Variants in CCNB3 observed in about 807,000 individuals in gnomAD.
The protein encoded by CCNB3 is cyclin B3.
CCNB3 carries 12 observed loss-of-function variants against 68.0 expected under a neutral mutation model. The observed-to-expected ratio is 0.18, with a 90% CI of 0.11 to 0.29. The LOEUF (loss-of-function observed/expected upper bound fraction) is 0.29. CCNB3 is among the 10% of genes least tolerant of loss of function. CCNB3 has a pLI of 1.00. For synonymous variants in CCNB3, 354 were observed against 388.9 expected (o/e 0.91, Z 1.06); for missense variants, 904 against 993.1 (o/e 0.91, Z 1.21).
chrX:50,303,309 C>A (rs1316113279), intron 5 of CCNB3, among the ~76,000 whole-genome samples: 1 of 110,863 alleles, frequency 9.0e-6, no homozygotes, highest in African/African-American at 3.3e-5. Flanking sequence ...CCACCTCCGG[C>A]TAATTTTTAT....
intron 1 of CCNB3, among the ~76,000 whole-genome samples, chrX:50,226,817 TAA>T (rs1935839403): frequency 1.3e-5 from 1 of 77,215 alleles, no homozygotes; most frequent in Non-Finnish European, 2.3e-5. Context: ...AGAGTATATA[TAA>T]ATATATACAT....
intron 9 of CCNB3, among the ~76,000 whole-genome samples, chrX:50,344,947 T>C (rs1169585662): frequency 1.8e-5 from 2 of 110,863 alleles, no homozygotes; most frequent in African/African-American, 6.6e-5. Flanking sequence ...TGGCAACTTT[T>C]ACCAAGGATT....
At chrX:50,329,717 G>T (rs1922495476) in intron 8 of CCNB3, among the ~76,000 whole-genome samples, 1 of 112,518 alleles carries the variant, frequency 8.9e-6, no homozygotes, top group Admixed American at 9.4e-5. Flanking sequence ...TCTCTAGCCA[G>T]TGGTTGTTCC....
intron 8 of CCNB3, among the ~76,000 whole-genome samples, chrX:50,332,371 A>T (rs1315731940): frequency 1.8e-5 from 2 of 111,700 alleles, no homozygotes; most frequent in Non-Finnish European, 3.8e-5. Flanking sequence ...AGGCATTCAT[A>T]GTAACTATAG....
intron 1 of CCNB3, among the ~76,000 whole-genome samples, chrX:50,208,394 T>C (rs192304011): frequency 8.9e-6 from 1 of 112,350 alleles, no homozygotes; most frequent in East Asian, 2.8e-4. Context: ...TGGATTGTGT[T>C]GATTCTGTAG....
rs189714834 is a variant in CCNB3, at chrX:50,206,303, G to A, written c.-113+1353G>A. ...TTACTTGGTAACAGCTGGGCGCTGC[G>A]GCTCACTCCTGTAATACCAGCACCT... On this transcript the variant is annotated intron_variant, in intron 1 of 12. Transcript: ENST00000376042. Among the ~76,000 whole-genome samples the A allele has an allele frequency of 1.2e-3, 130 of 110,366 alleles. 1 individual carries two copies. The highest frequency in any genetic ancestry group is 4.1e-3 in the African/African-American group (125 of 30,342).
intron 1 of CCNB3, among the ~76,000 whole-genome samples, chrX:50,279,741 TATATTCATATATGTAAATATATATGAA>T (rs1936068319): frequency 1.1e-5 from 1 of 90,396 alleles, no homozygotes; most frequent in African/African-American, 4.0e-5. Flanking sequence ...TATGATTATG[TATATTCATATATGTAAATATATATGAA>T]TATGTATATT....
At chrX:50,280,123 T>C (rs1407295863) in intron 1 of CCNB3, among the ~76,000 whole-genome samples, 3 of 91,724 alleles carry the variant, frequency 3.3e-5, no homozygotes, top group African/African-American at 4.1e-5. Context: ...TATAAATATA[T>C]ATAGAATATA....
intron 8 of CCNB3, among the ~76,000 whole-genome samples, chrX:50,321,629 A>G (rs782101332): frequency 9.0e-4 from 100 of 111,448 alleles, no homozygotes; most frequent in African/African-American, 3.1e-3. Context: ...CATCAGTAGT[A>G]TACTGTTTTT....
At chrX:50,224,133 A>G (rs1476375080) in intron 1 of CCNB3, among the ~76,000 whole-genome samples, 9 of 111,363 alleles carry the variant, frequency 8.1e-5, no homozygotes, top group Admixed American at 7.7e-4. Flanking sequence ...CTAACAATTT[A>G]TCATCTTGTT....
At chrX:50,281,086 G>A (rs1936128303) in intron 1 of CCNB3, among the ~76,000 whole-genome samples, 1 of 110,695 alleles carries the variant, frequency 9.0e-6, no homozygotes, top group Admixed American at 9.7e-5. Flanking sequence ...AAAGAGACCC[G>A]ATACTCCCTG....
At chrX:50,306,354 C>T (rs940776851) in intron 5 of CCNB3, among the ~76,000 whole-genome samples, 1 of 111,178 alleles carries the variant, frequency 9.0e-6, no homozygotes, top group Admixed American at 9.6e-5. Flanking sequence ...TGAAGTTGTT[C>T]GTTCTAATAG....
chrX:50,223,483 C>T (rs912544066), intron 1 of CCNB3, among the ~76,000 whole-genome samples: 17 of 111,962 alleles, frequency 1.5e-4, no homozygotes, highest in South Asian at 3.7e-4. Context: ...TGACACTATT[C>T]CTTTCTGTTT....
At chrX:50,333,765 C>A (rs1922717009) in intron 8 of CCNB3, among the ~76,000 whole-genome samples, 1 of 110,921 alleles carries the variant, frequency 9.0e-6, no homozygotes, top group Non-Finnish European at 1.9e-5. Flanking sequence ...CTACCAATGC[C>A]TGGTAAGGGG....
rs980674955 is a variant in CCNB3, at chrX:50,218,180, A to G, written c.-113+13230A>G. Among the ~76,000 whole-genome samples the G allele has an allele frequency of 3.2e-4, 36 of 112,034 alleles. 1 individual carries two copies. The highest frequency in any genetic ancestry group is 4.7e-3 in the Middle Eastern group (1 of 214). On this transcript the variant is annotated intron_variant, in intron 1 of 12. Coordinates refer to ENST00000376042, the MANE Select transcript of CCNB3 (RefSeq NM_033031.3). ...GCATTTATTTTTAGTGAAATTGAAC[A>G]TATTTTCATGGTTAGTGGTCATTTG...
At chrX:50,218,472 C>A (rs1935616216) in intron 1 of CCNB3, among the ~76,000 whole-genome samples, 1 of 111,098 alleles carries the variant, frequency 9.0e-6, no homozygotes, top group Non-Finnish European at 1.9e-5. Context: ...TGATGTTCCC[C>A]TCACTGTGTC....
intron 8 of CCNB3, among the ~76,000 whole-genome samples, chrX:50,322,296 A>G (rs1207592255): frequency 9.0e-6 from 1 of 110,849 alleles, no homozygotes; most frequent in African/African-American, 3.3e-5. Context: ...ATCTTTGACA[A>G]ACCTGACAAA....
At chrX:50,311,536 C>T in intron 6 of CCNB3, 40 bp downstream of exon 6, 2 of 950,139 alleles carry the variant, frequency 2.1e-6, no homozygotes, top group Non-Finnish European at 1.4e-6. Context: ...ATAAATTGTT[C>T]TTTGATATCC....
At chrX:50,228,092 T>C (rs1388792903) in intron 1 of CCNB3, among the ~76,000 whole-genome samples, 3 of 85,458 alleles carry the variant, frequency 3.5e-5, no homozygotes, top group South Asian at 5.4e-4. Flanking sequence ...TTAGAGAATA[T>C]ATATAATATA....
Sources: allele counts gnomAD v4.1 joint callset (sites outside exome capture counted in the v4.1 genomes callset), GRCh38; gene constraint gnomAD v4.1.1; transcripts MANE v1.5; gene names NCBI Gene and HGNC (gene_info 2026-07-23, HGNC 2026-07-21).